Variants in SEMA3A observed in about 807,000 individuals in gnomAD.
SEMA3A encodes the protein semaphorin-3A.
A neutral mutation model predicts 97.9 loss-of-function variants in SEMA3A; 29 were observed. The observed-to-expected ratio is 0.30, with a 90% CI of 0.22 to 0.40. The LOEUF (loss-of-function observed/expected upper bound fraction) is 0.40. Among genes scored for constraint, SEMA3A ranks in the 10% least tolerant of loss-of-function variants. SEMA3A has a pLI of 1.00. For missense variants in SEMA3A, 763 were observed against 951.3 expected (o/e 0.80, Z 2.60); for synonymous variants, 321 against 323.7 (o/e 0.99, Z 0.09).
In SEMA3A at chr7:83,956,650, T is replaced by C. The variant is rs1253841539; in HGVS notation, c.*4721A>G. 6.6e-6 allele frequency: 1 copy of C among 152,108 alleles called. No homozygotes were observed. Among genetic ancestry groups the C allele is most frequent in the East Asian group, 1.9e-4 (1 of 5,176 alleles). The allele number at this position is 152,108 out of a possible 1,614,324, so 9.4% of individuals were successfully genotyped here. ...TGGGGTACAAACAGAGGGCAATAAATCAAAACCCAGGAAAAAGCAAATGCA... is the reference window on the plus strand; with the variant it reads ...TGGGGTACAAACAGAGGGCAATAAACCAAAACCCAGGAAAAAGCAAATGCA... On this transcript the variant is annotated 3_prime_UTR_variant, in exon 17 of 17. Transcript: ENST00000265362.
chr7:84,081,434 T>C (rs577767707), intron 4 of SEMA3A, among the ~76,000 whole-genome samples: 4 of 151,732 alleles, frequency 2.6e-5, no homozygotes, highest in East Asian at 1.9e-4. Context: ...CTACTAAAAA[T>C]ACAAAAAAAT....
chr7:84,445,022 A>G (rs986735897), intron 1 of SEMA3A, among the ~76,000 whole-genome samples: 2 of 152,118 alleles, frequency 1.3e-5, no homozygotes, highest in African/African-American at 2.4e-5. Flanking sequence ...TTTAAAACTG[A>G]TATCTTCTTC....
intron 1 of SEMA3A, among the ~76,000 whole-genome samples, chr7:84,420,539 T>A (rs1272228577): frequency 1.3e-5 from 2 of 151,962 alleles, no homozygotes; most frequent in African/African-American, 4.8e-5. Context: ...GTGAACCAAG[T>A]GACCTGTGGG....
intron 14 of SEMA3A, among the ~76,000 whole-genome samples, chr7:83,980,362 T>C (rs552345173): frequency 6.6e-6 from 1 of 151,828 alleles, no homozygotes; most frequent in African/African-American, 2.4e-5. Flanking sequence ...CTGTAATCCC[T>C]CTCAAAGGCC....
At chr7:84,323,756 C>A (rs894023067) in intron 2 of SEMA3A, among the ~76,000 whole-genome samples, 6 of 152,132 alleles carry the variant, frequency 3.9e-5, no homozygotes, top group South Asian at 4.1e-4. Flanking sequence ...GGTTGATTAC[C>A]ATCATTCAAG....
At chr7:84,206,266 A>G (rs1435699153) in intron 3 of SEMA3A, among the ~76,000 whole-genome samples, 1 of 151,970 alleles carries the variant, frequency 6.6e-6, no homozygotes, top group Non-Finnish European at 1.5e-5. Flanking sequence ...AAATAAGCCA[A>G]TTTTACTCTG....
At chr7:84,281,892 C>T (rs530956688) in intron 3 of SEMA3A, among the ~76,000 whole-genome samples, 3 of 152,248 alleles carry the variant, frequency 2.0e-5, no homozygotes, top group African/African-American at 4.8e-5. Context: ...TTCATCATTA[C>T]TAAAGTGTGT....
At chr7:84,001,678 T>A (rs74297465) in intron 12 of SEMA3A, among the ~76,000 whole-genome samples, 31 of 151,300 alleles carry the variant, frequency 2.0e-4, no homozygotes, top group African/African-American at 6.3e-4. Context: ...TTGAGGTAAC[T>A]TAAATAATAT....
At chr7:84,431,926 G>A (rs1804990831) in intron 1 of SEMA3A, among the ~76,000 whole-genome samples, 1 of 151,760 alleles carries the variant, frequency 6.6e-6, no homozygotes, top group African/African-American at 2.4e-5. Context: ...AAGAAAAAAC[G>A]ACTTTCTCCC....
intron 3 of SEMA3A, among the ~76,000 whole-genome samples, chr7:84,210,678 A>G (rs568629710): frequency 3.3e-5 from 5 of 152,278 alleles, no homozygotes; most frequent in Non-Finnish European, 7.4e-5. Flanking sequence ...TGATGTATTT[A>G]CTAGGAACAA....
chr7:84,357,746 C>G (rs1802604072), intron 2 of SEMA3A, among the ~76,000 whole-genome samples: 4 of 151,492 alleles, frequency 2.6e-5, no homozygotes, highest in Admixed American at 2.0e-4. Flanking sequence ...CTTTACAGTC[C>G]CACCAACAGT....
intron 4 of SEMA3A, among the ~76,000 whole-genome samples, chr7:84,065,757 C>T (rs866131346): frequency 1.3e-5 from 2 of 152,074 alleles, no homozygotes; most frequent in African/African-American, 4.8e-5. Flanking sequence ...ATAACAGGGT[C>T]TGAAATTGTG....
At chr7:84,460,311 T>C (rs768542356) in intron 1 of SEMA3A, among the ~76,000 whole-genome samples, 23 of 152,118 alleles carry the variant, frequency 1.5e-4, no homozygotes, top group Admixed American at 2.6e-4. Flanking sequence ...ACTAGTCATA[T>C]AGTGCCCATC....
intron 4 of SEMA3A, among the ~76,000 whole-genome samples, chr7:84,079,847 T>G (rs1453569496): frequency 7.0e-6 from 1 of 141,990 alleles, no homozygotes; most frequent in East Asian, 2.0e-4. Flanking sequence ...GCCATCCCAT[T>G]ACTGGGTATA....
chr7:84,164,998 A>G (rs1797155469), intron 1 of SEMA3A, among the ~76,000 whole-genome samples: 1 of 152,152 alleles, frequency 6.6e-6, no homozygotes, highest in African/African-American at 2.4e-5. Context: ...CCTTGAGCTC[A>G]GGTGTTCAAG....
intron 1 of SEMA3A, among the ~76,000 whole-genome samples, chr7:84,435,254 TACACACACAC>T (rs34631045): frequency 6.8e-6 from 1 of 148,052 alleles, no homozygotes; most frequent in Admixed American, 6.7e-5. Context: ...GTACAACAGC[TACACACACAC>T]ACACACACAC....
At chr7:84,265,870 T>C (rs1351818991) in intron 3 of SEMA3A, among the ~76,000 whole-genome samples, 1 of 152,098 alleles carries the variant, frequency 6.6e-6, no homozygotes. Context: ...ATGTAACTGA[T>C]ATATTGGCTA....
intron 2 of SEMA3A, among the ~76,000 whole-genome samples, chr7:84,310,332 A>C (rs752230865): frequency 3.3e-5 from 5 of 151,668 alleles, no homozygotes; most frequent in Non-Finnish European, 7.4e-5. Context: ...CCAAGCAGGT[A>C]CCGGCAGATA....
intron 3 of SEMA3A, among the ~76,000 whole-genome samples, chr7:84,238,220 C>T (rs556805108): frequency 2.0e-5 from 3 of 152,216 alleles, no homozygotes; most frequent in South Asian, 2.1e-4. Flanking sequence ...GTGCCCACCA[C>T]CACACCAGGC....
Sources: allele counts gnomAD v4.1 joint callset (sites outside exome capture counted in the v4.1 genomes callset), GRCh38; gene constraint gnomAD v4.1.1; transcripts MANE v1.5; gene names NCBI Gene and HGNC (gene_info 2026-07-23, HGNC 2026-07-21).